The following LINGO2 variants were observed in gnomAD, a reference collection of about 807,000 sequenced individuals.
LINGO2 encodes leucine-rich repeat and immunoglobulin-like domain-containing nogo receptor-interacting protein 2.
LINGO2 carries 14 observed loss-of-function variants against 30.6 expected under a neutral mutation model. That is an observed-to-expected ratio of 0.46 (90% CI 0.30 to 0.72). The LOEUF (loss-of-function observed/expected upper bound fraction) is 0.72, where lower values mean the gene tolerates loss of function less well. LINGO2 is among the 30% of genes least tolerant of loss of function. LINGO2 has a pLI of 0.07. For synonymous variants in LINGO2, 317 were observed against 288.5 expected (o/e 1.10, Z -1.00); for missense variants, 729 against 751.7 (o/e 0.97, Z 0.35).
the LINGO2 span, among the ~76,000 whole-genome samples, chr9:28,712,813 G>T: frequency 1.3e-5 from 2 of 151,902 alleles, no homozygotes; most frequent in African/African-American, 4.8e-5. Flanking sequence ...AAGAAACATA[G>T]AATTTAAAAA....
At chr9:28,319,589 C>A (rs917650671) in intron 3 of LINGO2, among the ~76,000 whole-genome samples, 12 of 152,078 alleles carry the variant, frequency 7.9e-5, no homozygotes, top group Non-Finnish European at 1.5e-4. Context: ...GTGAATGAAT[C>A]TTAAATTTAT....
At chr9:28,901,659 T>C in the LINGO2 span, among the ~76,000 whole-genome samples, 1 of 151,394 alleles carries the variant, frequency 6.6e-6, no homozygotes, top group African/African-American at 2.4e-5. Flanking sequence ...CTATGAGATG[T>C]TTTACATAAA....
At chr9:28,819,194 T>C in the LINGO2 span, among the ~76,000 whole-genome samples, 5 of 152,136 alleles carry the variant, frequency 3.3e-5, no homozygotes, top group Admixed American at 6.6e-5. Flanking sequence ...CTCACCACCA[T>C]TGAAAGCAGG....
At chr9:28,983,367 C>T in the LINGO2 span, among the ~76,000 whole-genome samples, 1 of 148,982 alleles carries the variant, frequency 6.7e-6, no homozygotes, top group Non-Finnish European at 1.5e-5. Flanking sequence ...CTTTGCTTTC[C>T]ATCAGCAATG....
the LINGO2 span, among the ~76,000 whole-genome samples, chr9:28,874,431 T>C: frequency 6.6e-6 from 1 of 152,120 alleles, no homozygotes; most frequent in Admixed American, 6.6e-5. Context: ...ATTTGTTAAC[T>C]ATCGAGCACT....
chr9:28,253,901 G>A (rs1007828285), intron 4 of LINGO2, among the ~76,000 whole-genome samples: 1 of 152,138 alleles, frequency 6.6e-6, no homozygotes, highest in Admixed American at 6.6e-5. Context: ...TCCATTTGCA[G>A]CGGGGAAGAG....
At chr9:28,271,444 TA>T (rs57377573) in intron 4 of LINGO2, among the ~76,000 whole-genome samples, 1 of 152,042 alleles carries the variant, frequency 6.6e-6, no homozygotes, top group African/African-American at 2.4e-5. Flanking sequence ...AATTAAGAAG[TA>T]AAAAAACTAA....
At chr9:27,977,792 A>C (rs181494172) in intron 5 of LINGO2, among the ~76,000 whole-genome samples, 4 of 149,790 alleles carry the variant, frequency 2.7e-5, no homozygotes, top group African/African-American at 9.8e-5. Context: ...AGGGGAAAGA[A>C]AAAAAAAAAG....
intron 4 of LINGO2, among the ~76,000 whole-genome samples, chr9:28,179,506 C>T (rs2133702647): frequency 8.2e-6 from 1 of 121,358 alleles, no homozygotes; most frequent in African/African-American, 3.1e-5. Flanking sequence ...TATATATGTA[C>T]TATATATAGT....
At chr9:28,368,603 T>C (rs1820769435) in intron 3 of LINGO2, among the ~76,000 whole-genome samples, 1 of 150,664 alleles carries the variant, frequency 6.6e-6, no homozygotes, top group Admixed American at 6.6e-5. Context: ...TCTTTTTTTT[T>C]TTTTTCTTTT....
intron 4 of LINGO2, among the ~76,000 whole-genome samples, chr9:28,068,807 A>G (rs570883714): frequency 5.8e-4 from 89 of 152,278 alleles, no homozygotes; most frequent in Non-Finnish European, 1.1e-3. Flanking sequence ...CCAATACTCC[A>G]TATACAATGC....
chr9:27,981,549 A>AT (rs1820863547), intron 5 of LINGO2, among the ~76,000 whole-genome samples: 1 of 119,284 alleles, frequency 8.4e-6, no homozygotes, highest in African/African-American at 3.2e-5. Flanking sequence ...AAAAAAAAAA[A>AT]AGAAAAAAAA....
the LINGO2 span, among the ~76,000 whole-genome samples, chr9:28,913,776 T>C: frequency 0.065 from 9,842 of 152,208 alleles, 422 homozygotes; most frequent in Non-Finnish European, 0.098. Context: ...AAGATGTGCA[T>C]AATTTTGCTA....
intron 5 of LINGO2, among the ~76,000 whole-genome samples, chr9:27,969,868 C>T (rs1820272521): frequency 1.3e-5 from 2 of 152,040 alleles, no homozygotes; most frequent in African/African-American, 4.8e-5. Context: ...GCAAATCTGT[C>T]ATTGACCTGG....
chr9:28,401,406 G>T (rs1822260698), intron 2 of LINGO2, among the ~76,000 whole-genome samples: 1 of 152,042 alleles, frequency 6.6e-6, no homozygotes, highest in South Asian at 2.1e-4. Context: ...TGGTTTCTGT[G>T]TTAGTTTGCT....
intron 1 of LINGO2, among the ~76,000 whole-genome samples, chr9:28,632,975 A>G (rs1309508767): frequency 2.7e-5 from 4 of 149,654 alleles, no homozygotes; most frequent in Non-Finnish European, 1.5e-5. Flanking sequence ...CTGCAAGCTG[A>G]GGAACAAGGA....
chr9:28,551,901 T>C (rs538062447), intron 1 of LINGO2, among the ~76,000 whole-genome samples: 347 of 152,224 alleles, frequency 2.3e-3, no homozygotes, highest in African/African-American at 8.1e-3. Flanking sequence ...CATTGCCATA[T>C]TGATATAAGC....
the LINGO2 span, among the ~76,000 whole-genome samples, chr9:29,211,690 C>T: frequency 1.6e-4 from 25 of 152,212 alleles, no homozygotes; most frequent in South Asian, 4.8e-3. Context: ...GGGGAGACTT[C>T]ACCAGCAGGT....
the LINGO2 span, among the ~76,000 whole-genome samples, chr9:28,995,613 A>T: frequency 1.3e-5 from 2 of 152,152 alleles, no homozygotes; most frequent in South Asian, 2.1e-4. Context: ...AAGACTTGGA[A>T]CCAACCCAAA....
Sources: gnomAD v4.1 joint callset for allele counts (sites outside exome capture counted in the v4.1 genomes callset) on GRCh38, gnomAD v4.1.1 for gene constraint, MANE v1.5 for transcripts, NCBI Gene and HGNC (gene_info 2026-07-23, HGNC 2026-07-21) for gene names.